ABHD2: variants seen among roughly 807,000 people sequenced by gnomAD.
ABHD2 encodes the protein abhydrolase domain containing 2, acylglycerol lipase, also known as monoacylglycerol lipase ABHD2.
A neutral mutation model predicts 48.1 loss-of-function variants in ABHD2; 20 were observed. The observed-to-expected ratio is 0.42, with a 90% CI of 0.29 to 0.60. The LOEUF (loss-of-function observed/expected upper bound fraction) is 0.60. Among genes scored for constraint, ABHD2 ranks in the 20% least tolerant of loss-of-function variants. The pLI is 0.24. For synonymous variants in ABHD2, 209 were observed against 214.2 expected, an observed-to-expected ratio of 0.98 and a Z score of 0.21; for missense variants, 405 against 550.9, an observed-to-expected ratio of 0.74 and a Z score of 2.65.
In ABHD2 at chr15:89,130,547, A is replaced by C. The variant is rs1043260853; in HGVS notation, c.194+14026A>C. Among the ~76,000 whole-genome samples the C allele has an allele frequency of 2.0e-5, 3 of 152,110 alleles. No homozygotes were observed. In the South Asian group the frequency reaches 6.2e-4, roughly 31 times the overall value. ...TCCTCATCCCTGTTTTTTGCTTATC[A>C]CTAGAGACAGAAACTACAAACCATG... On this transcript the variant is annotated intron_variant, in intron 3 of 10. Transcript: ENST00000352732.
chr15:89,103,002 G>C (rs554159775), intron 1 of ABHD2, among the ~76,000 whole-genome samples: 16 of 152,344 alleles, frequency 1.1e-4, no homozygotes, highest in African/African-American at 2.9e-4. Context: ...ACGGACGGGA[G>C]AGAGGAACAC....
At chr15:89,065,193 C>T in the ABHD2 span, among the ~76,000 whole-genome samples, 2 of 152,064 alleles carry the variant, frequency 1.3e-5, no homozygotes, top group African/African-American at 2.4e-5. Flanking sequence ...TGTGATTCTC[C>T]ACCTCCTCCT....
rs1339895077 is a variant in ABHD2 at position 89,164,888 on chromosome 15, TTC to T, written c.538+9356_538+9357del. Among the ~76,000 whole-genome samples the T allele has an allele frequency of 6.6e-6, 1 of 152,252 alleles. No individual in the cohort carries two copies. Among genetic ancestry groups the T allele is most frequent in the African/African-American group, 2.4e-5 (1 of 41,470 alleles). On this transcript the variant is annotated intron_variant, in intron 5 of 10. Coordinates refer to ENST00000352732, the MANE Select transcript of ABHD2 (RefSeq NM_152924.5). This position sits in a 1 kb window ranked among gnomAD's most constrained non-coding sequence, Gnocchi z 5.0. Reference sequence around the variant, plus strand: ...TGGCCCTTCACTCTAACTTTGTGTTTTCTGTGAGCCACCTTAGAGGAGAAAAG... The same window carrying T: ...TGGCCCTTCACTCTAACTTTGTGTTTTGTGAGCCACCTTAGAGGAGAAAAG...
rs565499268 is a variant in ABHD2 at position 89,100,372 on chromosome 15, A to G, written c.-107+11809A>G. ...GCGATCATAGCTCACTGTAGCCTCA[A>G]TCTTCTGTGCTCAAGTGATCCTCCC... On this transcript the variant is annotated intron_variant, in intron 1 of 10. Coordinates refer to ENST00000352732, the MANE Select transcript of ABHD2 (RefSeq NM_152924.5). The surrounding 1 kb of genome is among the most constrained non-coding windows in gnomAD (Gnocchi z 4.4). 2.0e-5 allele frequency among the ~76,000 whole-genome samples: 3 copies of G among 151,790 alleles called. No individual in the cohort carries two copies. The highest frequency in any genetic ancestry group is 1.9e-4 in the East Asian group (1 of 5,166).
intron 1 of ABHD2, among the ~76,000 whole-genome samples, chr15:89,095,568 G>A (rs1313769297): frequency 6.6e-6 from 1 of 152,124 alleles, no homozygotes; most frequent in African/African-American, 2.4e-5. Flanking sequence ...GCTCTTCAGT[G>A]GTATTTACAC....
chr15:89,172,422 G>A (rs993539010), intron 5 of ABHD2, among the ~76,000 whole-genome samples: 3 of 152,158 alleles, frequency 2.0e-5, no homozygotes, highest in African/African-American at 7.2e-5. Context: ...TGTCCTCAAG[G>A]TTCTTCCATG....
the ABHD2 span, among the ~76,000 whole-genome samples, chr15:89,042,996 C>A: frequency 4.1e-4 from 63 of 152,088 alleles, no homozygotes; most frequent in Non-Finnish European, 1.3e-4. Context: ...TTGCCCAGCA[C>A]CATTTGTTTC....
Position 89,091,960 on chromosome 15 carries a change from G to C in ABHD2, c.-107+3397G>C, listed in dbSNP as rs547406381. Among the ~76,000 whole-genome samples, 2 of 152,200 alleles carry C rather than the reference G, an allele frequency of 1.3e-5. No homozygotes were observed. The highest frequency in any genetic ancestry group is 2.9e-5 in the Non-Finnish European group (2 of 68,026). On this transcript the variant is annotated intron_variant, in intron 1 of 10. Transcript: ENST00000352732. This position sits in a 1 kb window ranked among gnomAD's most constrained non-coding sequence, Gnocchi z 5.5. ...CAGGATTTTATAGCAGCTTTTCATG[G>C]TTCAGCCTTTTTGGCCAGTGCATGA...
At chr15:89,132,785 C>T (rs1236614074) in intron 3 of ABHD2, among the ~76,000 whole-genome samples, 3 of 152,186 alleles carry the variant, frequency 2.0e-5, no homozygotes, top group African/African-American at 7.2e-5. Flanking sequence ...CTTTCTAGAA[C>T]ATGCTTATCT....
intron 9 of ABHD2, 39 bp downstream of exon 9, chr15:89,191,188 A>G (rs779414117): frequency 1.6e-5 from 25 of 1,603,972 alleles, no homozygotes; most frequent in Non-Finnish European, 1.7e-6. Context: ...GCATCACTCC[A>G]CCCAGCCTCG....
chr15:89,174,122 C>T lies in ABHD2; in HGVS notation c.539-1690C>T, dbSNP rs531045248. Among the ~76,000 whole-genome samples the T allele has an allele frequency of 7.0e-4, 106 of 152,086 alleles. No homozygotes were observed. The highest frequency in any genetic ancestry group is 1.2e-3 in the Non-Finnish European group (80 of 68,010). On this transcript the variant is annotated intron_variant, in intron 5 of 10. Transcript: ENST00000352732. The surrounding 1 kb of genome is among the most constrained non-coding windows in gnomAD (Gnocchi z 4.1). The stretch of plus-strand genomic sequence containing the variant: ...TAAAATTTCATTGATTGTGCATTTT[C>T]CTGTATGTATGTTATACCCCATTAA...
chr15:89,148,965 AT>A (rs1489949900), intron 3 of ABHD2, among the ~76,000 whole-genome samples: 1 of 152,010 alleles, frequency 6.6e-6, no homozygotes, highest in Non-Finnish European at 1.5e-5. Context: ...TTGTTTTTAA[AT>A]TTTTTTCTTG....
intron 1 of ABHD2, among the ~76,000 whole-genome samples, chr15:89,111,271 G>T (rs1389127282): frequency 1.3e-5 from 2 of 152,138 alleles, no homozygotes; most frequent in Non-Finnish European, 2.9e-5. Context: ...TAGAAAAAAA[G>T]AAGTCGCCAA....
At chr15:89,073,485 C>G in the ABHD2 span, among the ~76,000 whole-genome samples, 4 of 152,206 alleles carry the variant, frequency 2.6e-5, no homozygotes, top group African/African-American at 7.2e-5. Flanking sequence ...TTAGTAGAGA[C>G]AGAATGTCAC....
chr15:89,078,724 GCTTTTTTTTTTT>G, the ABHD2 span, among the ~76,000 whole-genome samples: 2 of 82,444 alleles, frequency 2.4e-5, no homozygotes, highest in South Asian at 3.7e-4. Flanking sequence ...GACAATGTAG[GCTTTTTTTTTTT>G]CTTTTTTTTT....
chr15:89,148,622 A>C (rs1321762157), intron 3 of ABHD2, among the ~76,000 whole-genome samples: 6 of 152,212 alleles, frequency 3.9e-5, no homozygotes, highest in African/African-American at 1.4e-4. Flanking sequence ...GCTTACAAGG[A>C]GGAGAGTGCA....
the ABHD2 span, chr15:89,070,292 G>A: frequency 3.9e-5 from 6 of 152,232 alleles, no homozygotes; most frequent in Non-Finnish European, 5.9e-5. Flanking sequence ...CTAAGCCTAA[G>A]TTCAGTGGGT....
the ABHD2 span, among the ~76,000 whole-genome samples, chr15:89,047,764 A>C: frequency 2.0e-5 from 3 of 148,180 alleles, no homozygotes; most frequent in African/African-American, 7.6e-5. Context: ...ATCTTCCTCC[A>C]TACTTTTATT....
Position 89,184,805 on chromosome 15 carries a change from G to A in ABHD2, c.723-619G>A, listed in dbSNP as rs1397632029. Among the ~76,000 whole-genome samples, 3 of 152,226 alleles carry A rather than the reference G, an allele frequency of 2.0e-5. No individual in the cohort carries two copies. The highest frequency in any genetic ancestry group is 1.3e-4 in the Admixed American group (2 of 15,284). ...CAGTCACACACTAGCCCTAGAGGCA[G>A]AAAGACACTTCCAGACCAGCCCCAC... On this transcript the variant is annotated intron_variant, in intron 6 of 10. Coordinates refer to ENST00000352732, the MANE Select transcript of ABHD2 (RefSeq NM_152924.5). The surrounding 1 kb of genome is among the most constrained non-coding windows in gnomAD (Gnocchi z 5.1).
Sources: allele counts gnomAD v4.1 joint callset (sites outside exome capture counted in the v4.1 genomes callset), GRCh38; gene constraint gnomAD v4.1.1; non-coding constraint Gnocchi (gnomAD v3.1); transcripts MANE v1.5; gene names NCBI Gene and HGNC (gene_info 2026-07-23, HGNC 2026-07-21).